TRPC5OS: variants seen among roughly 807,000 people sequenced by gnomAD.
TRPC5OS encodes the protein putative uncharacterized protein TRPC5OS.
For missense variants in TRPC5OS, 64 were observed against 79.3 expected (o/e 0.81, Z 0.73); for synonymous variants, 30 against 29.3 (o/e 1.02, Z -0.08).
chrX:111,880,879 T>C (rs1180943649), intron 1 of TRPC5OS, among the ~76,000 whole-genome samples: 2 of 112,124 alleles, frequency 1.8e-5, no homozygotes, highest in East Asian at 5.6e-4. Flanking sequence ...CAGTATCTTA[T>C]AGCAGGCCAA....
intron 3 of TRPC5OS, among the ~76,000 whole-genome samples, chrX:111,896,762 C>T (rs1308014732): frequency 8.9e-6 from 1 of 111,766 alleles, no homozygotes; most frequent in African/African-American, 3.3e-5. Context: ...AAATTTGTGC[C>T]CTCTAGCACA....
chrX:111,899,820 A>T (rs190026053), intron 3 of TRPC5OS, among the ~76,000 whole-genome samples: 43 of 111,605 alleles, frequency 3.9e-4, no homozygotes, highest in Non-Finnish European at 7.2e-4. Context: ...CTTACATGAG[A>T]CGTTTTTCTC....
In TRPC5OS at chrX:111,880,605, A is replaced by G. The variant is rs146632854; in HGVS notation, c.-546+4332A>G. Reference sequence around the variant, plus strand: ...TTAATAGGACTGTACAGGCCTATGTAAGTTTAACTTATAACTTGGTACAGA... The same window carrying G: ...TTAATAGGACTGTACAGGCCTATGTGAGTTTAACTTATAACTTGGTACAGA... On this transcript the variant is annotated intron_variant, in intron 1 of 3. Coordinates refer to ENST00000635763, the MANE Select transcript of TRPC5OS (RefSeq NM_001195578.2). 6.9e-3 allele frequency among the ~76,000 whole-genome samples: 776 copies of G among 112,386 alleles called. 19 individuals carry two copies. Among genetic ancestry groups the G allele is most frequent in the Admixed American group, 0.057 (605 of 10,605 alleles).
chrX:111,888,223 T>C (rs1924598535), intron 1 of TRPC5OS, among the ~76,000 whole-genome samples: 1 of 110,893 alleles, frequency 9.0e-6, no homozygotes, highest in South Asian at 3.8e-4. Flanking sequence ...GAGAGAAAAA[T>C]AGAAAACGAA....
In TRPC5OS at chrX:111,901,941, T is replaced by C; in HGVS notation, c.92T>C (p.Ile31Thr). The change falls in exon 4 of 4, where the codon ATT becomes ACT. Residue 31 changes from isoleucine (I) to threonine (T), a missense_variant. Physicochemically the swap from Ile to Thr is moderately conservative, Grantham distance 89. Coordinates refer to ENST00000635763, the MANE Select transcript of TRPC5OS (RefSeq NM_001195578.2). Reference sequence around the variant, plus strand: ...ATAGCTGATGAGCTTTTACAATTCATTCTACAAGTACAAGAAGTTCCTTAT... The same window carrying C: ...ATAGCTGATGAGCTTTTACAATTCACTCTACAAGTACAAGAAGTTCCTTAT... ...IRIADELLQF[I>T]LQVQEVPYVE... 8.7e-7 allele frequency: 1 copy of C among 1,155,189 alleles called. No homozygotes were observed.
chrX:111,890,644 C>A lies in TRPC5OS; in HGVS notation c.-545-5307C>A, dbSNP rs867146670. On this transcript the variant is annotated intron_variant, in intron 1 of 3. Transcript: ENST00000635763. Reference sequence around the variant, plus strand: ...AGTGATGTGGAGGTTCCCAGAGCATCATTAGTCAGACCAGGAGTCTGAAGA... The same window carrying A: ...AGTGATGTGGAGGTTCCCAGAGCATAATTAGTCAGACCAGGAGTCTGAAGA... Among the ~76,000 whole-genome samples the A allele has an allele frequency of 4.5e-5, 5 of 111,849 alleles. No individual in the cohort carries two copies. The South Asian group carries it at 1.2e-3, about 26-fold the overall frequency.
chrX:111,894,228 G>A (rs1472997880), intron 1 of TRPC5OS, among the ~76,000 whole-genome samples: 1 of 111,686 alleles, frequency 9.0e-6, no homozygotes. Flanking sequence ...CAACTATAAA[G>A]ATAGACCCAG....
At chrX:111,885,529 C>T (rs1924440169) in intron 1 of TRPC5OS, among the ~76,000 whole-genome samples, 3 of 108,827 alleles carry the variant, frequency 2.8e-5, no homozygotes, top group Admixed American at 2.0e-4. Context: ...TGGTTGGCCA[C>T]TCTAATCAAA....
In TRPC5OS at chrX:111,883,085, CAA is replaced by C. The variant is rs59699981; in HGVS notation, c.-546+6830_-546+6831del. Among the ~76,000 whole-genome samples the C allele has an allele frequency of 3.4e-3, 152 of 45,145 alleles. 2 individuals carry two copies. The highest frequency in any genetic ancestry group is 7.9e-3 in the African/African-American group (119 of 15,034). The allele number at this position is 45,145 out of a possible 115,157, so 39.2% of individuals were successfully genotyped here. A position where few individuals can be genotyped will look rare whatever the true frequency, so the allele number is the denominator to read the frequency against. On this transcript the variant is annotated intron_variant, in intron 1 of 3. Transcript: ENST00000635763. ...TGGGAAACAGAGCAAGACTCTGTCTCAAAAAAAAAAAAAAAAAAAGACCTAGT... is the reference window on the plus strand; with the variant it reads ...TGGGAAACAGAGCAAGACTCTGTCTCAAAAAAAAAAAAAAAAAGACCTAGT...
At chrX:111,889,424 C>T (rs1431161620) in intron 1 of TRPC5OS, among the ~76,000 whole-genome samples, 1 of 112,204 alleles carries the variant, frequency 8.9e-6, no homozygotes, top group Non-Finnish European at 1.9e-5. Flanking sequence ...ATTCCCCTGG[C>T]TCTAGCTAAT....
chrX:111,876,773 A>G (rs919354367), intron 1 of TRPC5OS, among the ~76,000 whole-genome samples: 2 of 112,028 alleles, frequency 1.8e-5, no homozygotes, highest in Admixed American at 9.5e-5. Flanking sequence ...AGAAATGAAA[A>G]GATGCAAAAC....
At position 111,901,823 on chromosome X, in the gene TRPC5OS, T is replaced by G. The variant is rs1925360916; in HGVS notation, c.-27T>G. 1 of 1,046,781 alleles carries G rather than the reference T, an allele frequency of 9.6e-7. No individual in the cohort carries two copies. Among genetic ancestry groups the G allele is most frequent in the African/African-American group, 1.9e-5 (1 of 52,399 alleles). 86.3% of individuals were successfully genotyped at this position (1,046,781 alleles called of 1,213,427 possible). ...CATTTGCTAGAGCTTTTAGTGATAT[T>G]TTATCTATTTAGAAGAGCACTGCAG... On this transcript the variant is annotated 5_prime_UTR_variant, in exon 4 of 4. It adds an upstream start codon to the 5' untranslated region. Transcript: ENST00000635763.
chrX:111,881,195 T>TTTTA (rs1924200879), intron 1 of TRPC5OS, among the ~76,000 whole-genome samples: 2 of 86,342 alleles, frequency 2.3e-5, no homozygotes, highest in East Asian at 3.3e-4. Flanking sequence ...ATTTTATTTT[T>TTTTA]GAGACAGAAT....
rs1421143442 is a variant in TRPC5OS at position 111,902,794 on chromosome X, G to C, written c.*609G>C. 1 of 112,026 alleles carries C rather than the reference G, an allele frequency of 8.9e-6. No homozygotes were observed. The highest frequency in any genetic ancestry group is 3.2e-5 in the African/African-American group (1 of 30,849). The allele number at this position is 112,026 out of a possible 1,213,427, so 9.2% of individuals were successfully genotyped here. A position where few individuals can be genotyped will look rare whatever the true frequency, so the allele number is the denominator to read the frequency against. On this transcript the variant is annotated 3_prime_UTR_variant, in exon 4 of 4. Transcript: ENST00000635763. ...AAGGTTTTCAAATGACTGTTGCCAA[G>C]GAGAAAACTGAAAAAGCTGGGACCA...
intron 3 of TRPC5OS, among the ~76,000 whole-genome samples, chrX:111,898,854 G>A (rs1013557741): frequency 3.6e-5 from 4 of 109,882 alleles, no homozygotes; most frequent in African/African-American, 6.6e-5. Flanking sequence ...AGAATGACAC[G>A]AAATCATTCC....
chrX:111,893,792 C>A (rs1340458991), intron 1 of TRPC5OS, among the ~76,000 whole-genome samples: 1 of 111,955 alleles, frequency 8.9e-6, no homozygotes, highest in Non-Finnish European at 1.9e-5. Context: ...CTATAACAGG[C>A]AAATGCTGTA....
chrX:111,899,514 A>G (rs1392915877), intron 3 of TRPC5OS, among the ~76,000 whole-genome samples: 2 of 111,505 alleles, frequency 1.8e-5, no homozygotes, highest in African/African-American at 6.5e-5. Flanking sequence ...AAATGGAAGC[A>G]TATTGATCAA....
At chrX:111,895,661 T>C (rs994665546) in intron 1 of TRPC5OS, among the ~76,000 whole-genome samples, 1 of 110,812 alleles carries the variant, frequency 9.0e-6, no homozygotes, top group Admixed American at 9.7e-5. Context: ...CAAATCATTA[T>C]TAGTATTATT....
At chrX:111,887,208 G>A (rs1368101013) in intron 1 of TRPC5OS, among the ~76,000 whole-genome samples, 1 of 112,510 alleles carries the variant, frequency 8.9e-6, no homozygotes, top group African/African-American at 3.2e-5. Context: ...TTGGTTTAGT[G>A]GGTAATGCCA....
Sources: gnomAD v4.1 joint callset for allele counts (sites outside exome capture counted in the v4.1 genomes callset) on GRCh38, gnomAD v4.1.1 for gene constraint, MANE v1.5 for transcripts, NCBI Gene and HGNC (gene_info 2026-07-23, HGNC 2026-07-21) for gene names.